SORCS3: variants seen among roughly 807,000 people sequenced by gnomAD.
SORCS3 encodes the protein sortilin related VPS10 domain containing receptor 3.
SORCS3 carries 57 observed loss-of-function variants against 146.3 expected under a neutral mutation model. The ratio of observed to expected loss-of-function variants is 0.39; its 90% CI spans 0.31 to 0.49. The LOEUF (loss-of-function observed/expected upper bound fraction) is 0.49, where lower values mean the gene tolerates loss of function less well. SORCS3 is among the 20% of genes least tolerant of loss of function. The probability of loss-of-function intolerance (pLI) is 0.92; values close to 1 mark genes in which losing one functional copy is unlikely to be tolerated. For synonymous variants in SORCS3, 653 were observed against 618.5 expected (o/e 1.06, Z -0.83); for missense variants, 1,341 against 1,575.5 (o/e 0.85, Z 2.52).
At chr10:105,134,012 G>A (rs879227681) in intron 7 of SORCS3, among the ~76,000 whole-genome samples, 12 of 152,250 alleles carry the variant, frequency 7.9e-5, no homozygotes, top group Admixed American at 6.5e-4. Flanking sequence ...TTCCGGGAAT[G>A]CAAGGAAACA....
At chr10:105,197,719 T>C (rs528707031) in intron 14 of SORCS3, among the ~76,000 whole-genome samples, 8 of 152,336 alleles carry the variant, frequency 5.3e-5, no homozygotes. Context: ...GGTACTTATG[T>C]AATTACCATG....
At chr10:104,694,126 T>C (rs564196052) in intron 1 of SORCS3, among the ~76,000 whole-genome samples, 1 of 150,724 alleles carries the variant, frequency 6.6e-6, no homozygotes, top group Non-Finnish European at 1.5e-5. Flanking sequence ...TTCTGCTTGA[T>C]AGATTGCTTT....
Position 105,046,573 on chromosome 10 carries a change from T to G in SORCS3, c.1028+3445T>G, listed in dbSNP as rs1212994529. Among the ~76,000 whole-genome samples, 3 of 152,126 alleles carry G rather than the reference T, an allele frequency of 2.0e-5. No individual in the cohort carries two copies. The East Asian group carries it at 5.8e-4, about 29-fold the overall frequency. ...ATGGTTGTTAGAATACATTGGAAAT[T>G]GTAAGGAGTTATCATTATTATCCGC... On this transcript the variant is annotated intron_variant, in intron 5 of 26. Coordinates refer to ENST00000369701, the MANE Select transcript of SORCS3 (RefSeq NM_014978.3).
intron 1 of SORCS3, among the ~76,000 whole-genome samples, chr10:104,656,660 T>C (rs2015634205): frequency 6.6e-6 from 1 of 151,492 alleles, no homozygotes; most frequent in Admixed American, 6.6e-5. Context: ...TGAGACCTTG[T>C]TAAAAAAAAA....
chr10:104,847,069 A>T (rs2018214356), intron 2 of SORCS3, among the ~76,000 whole-genome samples: 2 of 152,174 alleles, frequency 1.3e-5, no homozygotes, highest in Non-Finnish European at 2.9e-5. Flanking sequence ...ACTCAAAGGG[A>T]GGACCACATC....
intron 16 of SORCS3, among the ~76,000 whole-genome samples, chr10:105,202,562 T>C (rs549425963): frequency 1.3e-5 from 2 of 152,164 alleles, no homozygotes; most frequent in Non-Finnish European, 2.9e-5. Context: ...TCCTTAGTAT[T>C]AATTGCCGTA....
At chr10:105,144,137 C>T (rs1196719573) in intron 8 of SORCS3, among the ~76,000 whole-genome samples, 1 of 152,142 alleles carries the variant, frequency 6.6e-6, no homozygotes, top group Non-Finnish European at 1.5e-5. Flanking sequence ...CATAGCACCC[C>T]TTATGATGTT....
intron 1 of SORCS3, among the ~76,000 whole-genome samples, chr10:104,692,037 T>A (rs766122855): frequency 1.3e-5 from 2 of 152,212 alleles, no homozygotes; most frequent in Non-Finnish European, 2.9e-5. Flanking sequence ...CAGGTATTCA[T>A]GAGCTGATCA....
At chr10:104,848,280 A>G (rs1294541441) in intron 2 of SORCS3, among the ~76,000 whole-genome samples, 2 of 150,618 alleles carry the variant, frequency 1.3e-5, no homozygotes, top group Admixed American at 1.3e-4. Context: ...TGGACCACTT[A>G]TTTCCTCCTT....
intron 5 of SORCS3, among the ~76,000 whole-genome samples, chr10:105,086,239 C>T (rs1456504994): frequency 6.6e-6 from 1 of 152,144 alleles, no homozygotes; most frequent in Non-Finnish European, 1.5e-5. Context: ...GATTGACCAG[C>T]CTGGCCAAAA....
At chr10:104,685,719 G>A (rs937059319) in intron 1 of SORCS3, among the ~76,000 whole-genome samples, 7 of 152,186 alleles carry the variant, frequency 4.6e-5, no homozygotes, top group Non-Finnish European at 8.8e-5. Context: ...TAGGAGCAAC[G>A]ATTAGTGTTT....
intron 9 of SORCS3, among the ~76,000 whole-genome samples, chr10:105,148,051 G>A (rs2056144189): frequency 6.6e-6 from 1 of 152,072 alleles, no homozygotes; most frequent in African/African-American, 2.4e-5. Context: ...AACAAAGTTA[G>A]TATTCTTGTA....
chr10:104,778,204 G>T (rs1241551137), intron 1 of SORCS3, among the ~76,000 whole-genome samples: 1 of 152,180 alleles, frequency 6.6e-6, no homozygotes, highest in African/African-American at 2.4e-5. Context: ...CATGTATCAA[G>T]ATGTCATATG....
chr10:105,166,223 C>G (rs2056311584), intron 12 of SORCS3, among the ~76,000 whole-genome samples: 1 of 152,094 alleles, frequency 6.6e-6, no homozygotes. Context: ...ATATAGGAGG[C>G]CCCATTCCTC....
intron 1 of SORCS3, among the ~76,000 whole-genome samples, chr10:104,681,357 G>T (rs1008586276): frequency 2.5e-4 from 38 of 151,954 alleles, no homozygotes; most frequent in African/African-American, 9.2e-4. Context: ...CTGCAGTGTG[G>T]GGGCTGCTGA....
chr10:104,826,024 T>C (rs1371280786), intron 1 of SORCS3, among the ~76,000 whole-genome samples: 1 of 152,170 alleles, frequency 6.6e-6, no homozygotes, highest in Non-Finnish European at 1.5e-5. Flanking sequence ...CTACTGCTTG[T>C]TAATTTCTAT....
chr10:105,217,398 G>A (rs1033919820), intron 19 of SORCS3, among the ~76,000 whole-genome samples: 4 of 152,156 alleles, frequency 2.6e-5, no homozygotes, highest in African/African-American at 7.2e-5. Context: ...ACACATTCAG[G>A]TAAAAGTCTC....
At chr10:104,975,502 G>T (rs868195134) in intron 3 of SORCS3, among the ~76,000 whole-genome samples, 9 of 152,178 alleles carry the variant, frequency 5.9e-5, no homozygotes, top group Non-Finnish European at 1.2e-4. Context: ...AATTTATAGA[G>T]TCAATGCCAT....
rs539772791 is a variant in SORCS3 at position 104,924,973 on chromosome 10, A to G, written c.795+9041A>G. Among the ~76,000 whole-genome samples, 3 of 152,318 alleles carry G rather than the reference A, an allele frequency of 2.0e-5. No homozygotes were observed. The East Asian group carries it at 5.8e-4, about 29-fold the overall frequency. ...GTGCAGGTTTGTTACATAGGTATAC[A>G]TGTGCCATGGTGATTTGCTGTACCT... On this transcript the variant is annotated intron_variant, in intron 3 of 26. Coordinates refer to ENST00000369701, the MANE Select transcript of SORCS3 (RefSeq NM_014978.3).
Sources: gnomAD v4.1 joint callset for allele counts (sites outside exome capture counted in the v4.1 genomes callset) on GRCh38, gnomAD v4.1.1 for gene constraint, MANE v1.5 for transcripts, NCBI Gene and HGNC (gene_info 2026-07-23, HGNC 2026-07-21) for gene names.